The following CDKAL1 variants were observed in gnomAD, a reference collection of about 807,000 sequenced individuals.
CDKAL1 encodes the protein CDKAL1 threonylcarbamoyladenosine tRNA methylthiotransferase.
A neutral mutation model predicts 68.2 loss-of-function variants in CDKAL1; 32 were observed. The ratio of observed to expected loss-of-function variants is 0.47; its 90% CI spans 0.35 to 0.63. The LOEUF is 0.63. CDKAL1 is among the 30% of genes least tolerant of loss of function. The pLI is 0.00. For missense variants in CDKAL1, 606 were observed against 696.7 expected, an observed-to-expected ratio of 0.87 and a Z score of 1.47; for synonymous variants, 234 against 244.3, an observed-to-expected ratio of 0.96 and a Z score of 0.39.
At chr6:20,830,412 A>G (rs1777666970) in intron 8 of CDKAL1, among the ~76,000 whole-genome samples, 1 of 152,216 alleles carries the variant, frequency 6.6e-6, no homozygotes, top group Non-Finnish European at 1.5e-5. Flanking sequence ...ACTATTCAAG[A>G]TGATTCACCG....
chr6:21,006,364 C>T (rs1171412143), intron 11 of CDKAL1, among the ~76,000 whole-genome samples: 1 of 152,148 alleles, frequency 6.6e-6, no homozygotes, highest in African/African-American at 2.4e-5. Context: ...CAGATGCATT[C>T]CCAGATGTGT....
chr6:21,100,343 C>G (rs1773522085), intron 12 of CDKAL1, among the ~76,000 whole-genome samples: 1 of 152,164 alleles, frequency 6.6e-6, no homozygotes, highest in South Asian at 2.1e-4. Flanking sequence ...TTAGAGAAGT[C>G]TGCTGTTTTG....
intron 9 of CDKAL1, among the ~76,000 whole-genome samples, chr6:20,863,781 A>T (rs958299386): frequency 3.3e-5 from 5 of 152,242 alleles, no homozygotes; most frequent in Non-Finnish European, 7.3e-5. Flanking sequence ...ACTAGGTAAT[A>T]TTTGAAATGA....
chr6:21,164,300 A>T (rs997827735), intron 13 of CDKAL1, among the ~76,000 whole-genome samples: 3 of 152,042 alleles, frequency 2.0e-5, no homozygotes, highest in African/African-American at 7.3e-5. Flanking sequence ...TGGGTTTTTT[A>T]AAAAATTTCC....
intron 4 of CDKAL1, among the ~76,000 whole-genome samples, chr6:20,630,025 TG>T (rs1469572728): frequency 2.6e-5 from 4 of 152,044 alleles, no homozygotes; most frequent in Non-Finnish European, 2.9e-5. Flanking sequence ...GGCTAATTTT[TG>T]TATTTTTAGG....
At chr6:20,540,607 C>T (rs1049280159) in intron 2 of CDKAL1, among the ~76,000 whole-genome samples, 1 of 151,922 alleles carries the variant, frequency 6.6e-6, no homozygotes, top group Non-Finnish European at 1.5e-5. Flanking sequence ...AGGTGCCCAC[C>T]ACCATGCCTG....
At chr6:21,029,897 C>T (rs546250208) in intron 11 of CDKAL1, among the ~76,000 whole-genome samples, 4 of 152,222 alleles carry the variant, frequency 2.6e-5, no homozygotes, top group Middle Eastern at 3.4e-3. Context: ...GAAGTTAGTT[C>T]AACCATTGTG....
intron 4 of CDKAL1, among the ~76,000 whole-genome samples, chr6:20,630,454 G>A (rs1404082509): frequency 2.0e-5 from 3 of 151,720 alleles, no homozygotes; most frequent in African/African-American, 7.3e-5. Context: ...AGGAACTGCA[G>A]TCCCTCTTGG....
At chr6:20,719,063 G>T (rs1581439655) in intron 5 of CDKAL1, among the ~76,000 whole-genome samples, 2 of 152,156 alleles carry the variant, frequency 1.3e-5, no homozygotes, top group African/African-American at 2.4e-5. Context: ...GGCAGAGTCC[G>T]GGTTCAAGTT....
chr6:20,791,481 C>T (rs12208378), intron 8 of CDKAL1, among the ~76,000 whole-genome samples: 16,978 of 152,066 alleles, frequency 0.11, 1,043 homozygotes, highest in African/African-American at 0.16. Context: ...TTTTCTGCTT[C>T]TGGGTCTGTA....
chr6:20,843,456 A>AT lies in CDKAL1; in HGVS notation c.639-2609dup, dbSNP rs543410407. Among the ~76,000 whole-genome samples, 37 of 150,044 alleles carry AT rather than the reference A, an allele frequency of 2.5e-4. 1 individual carries two copies. The highest frequency in any genetic ancestry group is 1.5e-3 in the Admixed American group (23 of 15,056). On this transcript the variant is annotated intron_variant, in intron 8 of 15. Transcript: ENST00000274695. ...CAGCATTTCAGATAAGGGATTTTGAATTTTTTTTTTCTTCAGTTTTTGTAA... is the reference window on the plus strand; with the variant it reads ...CAGCATTTCAGATAAGGGATTTTGAATTTTTTTTTTTCTTCAGTTTTTGTAA...
chr6:21,188,788 T>C (rs1441040430), intron 13 of CDKAL1, among the ~76,000 whole-genome samples: 1 of 152,124 alleles, frequency 6.6e-6, no homozygotes, highest in Admixed American at 6.5e-5. Context: ...AGAGGGTAGA[T>C]TTCATGTTAT....
At chr6:20,592,880 G>A (rs533177128) in intron 4 of CDKAL1, among the ~76,000 whole-genome samples, 1 of 152,100 alleles carries the variant, frequency 6.6e-6, no homozygotes, top group East Asian at 1.9e-4. Flanking sequence ...TAGCATGAAG[G>A]GGTGTTGAAT....
chr6:20,590,454 C>G (rs1765545089), intron 4 of CDKAL1, among the ~76,000 whole-genome samples: 1 of 152,010 alleles, frequency 6.6e-6, no homozygotes, highest in Admixed American at 6.5e-5. Context: ...GTTTGCTGCA[C>G]CCATCAACCC....
intron 6 of CDKAL1, among the ~76,000 whole-genome samples, chr6:20,741,679 A>G (rs1773466399): frequency 1.3e-5 from 2 of 152,114 alleles, no homozygotes; most frequent in Non-Finnish European, 2.9e-5. Context: ...ATAGTATTCC[A>G]TAGTGTATAT....
At chr6:20,748,190 T>A (rs1773743081) in intron 6 of CDKAL1, among the ~76,000 whole-genome samples, 1 of 152,146 alleles carries the variant, frequency 6.6e-6, no homozygotes, top group Non-Finnish European at 1.5e-5. Context: ...TGGTTTAAAA[T>A]TACAGTCTAA....
At chr6:20,673,754 T>C (rs548377926) in intron 5 of CDKAL1, among the ~76,000 whole-genome samples, 1 of 152,270 alleles carries the variant, frequency 6.6e-6, no homozygotes, top group South Asian at 2.1e-4. Flanking sequence ...CTCTCTTTTT[T>C]CCTGCCGTCA....
At chr6:21,150,244 T>G (rs181092499) in intron 13 of CDKAL1, among the ~76,000 whole-genome samples, 37 of 152,216 alleles carry the variant, frequency 2.4e-4, no homozygotes, top group African/African-American at 8.4e-4. Flanking sequence ...ACAGCACGCT[T>G]CCGGGGGCAA....
chr6:20,934,450 T>C (rs1763608426), intron 9 of CDKAL1, among the ~76,000 whole-genome samples: 1 of 152,212 alleles, frequency 6.6e-6, no homozygotes, highest in East Asian at 1.9e-4. Flanking sequence ...GATCATTTTC[T>C]GCAGATTATC....
Sources: allele counts gnomAD v4.1 joint callset (sites outside exome capture counted in the v4.1 genomes callset), GRCh38; gene constraint gnomAD v4.1.1; transcripts MANE v1.5; gene names NCBI Gene and HGNC (gene_info 2026-07-23, HGNC 2026-07-21).